The following OSBPL8 variants were observed in gnomAD, a reference collection of about 807,000 sequenced individuals.
OSBPL8 encodes oxysterol-binding protein-related protein 8.
In OSBPL8, 59 loss-of-function variants were observed where a neutral mutation model predicts 125.5. The ratio of observed to expected loss-of-function variants is 0.47; its 90% CI spans 0.38 to 0.58. The LOEUF is 0.58. Ranked by LOEUF, OSBPL8 falls within the 20% of genes least tolerant of loss-of-function variation. The probability of loss-of-function intolerance (pLI) is 0.00; values close to 1 mark genes in which losing one functional copy is unlikely to be tolerated. For synonymous variants in OSBPL8, 330 were observed against 338.9 expected (o/e 0.97, Z 0.29); for missense variants, 758 against 1,047.8 (o/e 0.72, Z 3.82).
At chr12:76,469,492 G>A (rs758482363) in intron 2 of OSBPL8, among the ~76,000 whole-genome samples, 16 of 152,140 alleles carry the variant, frequency 1.1e-4, no homozygotes, top group Non-Finnish European at 2.1e-4. Flanking sequence ...CTGAGTAGGA[G>A]GAAAGACCCT....
intron 1 of OSBPL8, among the ~76,000 whole-genome samples, chr12:76,529,755 T>C (rs532933903): frequency 3.2e-4 from 48 of 152,256 alleles, no homozygotes; most frequent in African/African-American, 1.1e-3. Context: ...CTAGAGACAG[T>C]AGAGTCTGGA....
intron 1 of OSBPL8, among the ~76,000 whole-genome samples, chr12:76,550,076 T>A (rs969842011): frequency 4.0e-5 from 6 of 148,670 alleles, no homozygotes; most frequent in Non-Finnish European, 8.9e-5. Context: ...CAAAAGGCAG[T>A]ATGCTGAAGA....
intron 8 of OSBPL8, among the ~76,000 whole-genome samples, chr12:76,396,975 T>C (rs1030013509): frequency 2.6e-5 from 4 of 151,624 alleles, no homozygotes; most frequent in African/African-American, 4.8e-5. Context: ...CCACCATACT[T>C]GGCTAATTTT....
chr12:76,556,671 T>C (rs1349345693), intron 1 of OSBPL8, among the ~76,000 whole-genome samples: 2 of 152,188 alleles, frequency 1.3e-5, no homozygotes, highest in African/African-American at 4.8e-5. Context: ...TTTGTTTTTT[T>C]GGTGTTTTTT....
intron 22 of OSBPL8, among the ~76,000 whole-genome samples, chr12:76,357,303 G>A (rs972102070): frequency 6.6e-6 from 1 of 152,214 alleles, no homozygotes; most frequent in South Asian, 2.1e-4. Flanking sequence ...ACTTCACAGG[G>A]TTGTTGTAAG....
At chr12:76,390,349 T>A (rs900714914) in intron 11 of OSBPL8, 71 bp downstream of exon 11, 14 of 1,129,622 alleles carry the variant, frequency 1.2e-5, no homozygotes, top group Non-Finnish European at 1.7e-5. Flanking sequence ...AAGCAAATAA[T>A]ATCTTCAATT....
chr12:76,356,007 A>G lies in OSBPL8; in HGVS notation c.2552T>C (p.Leu851Pro). 6.2e-7 allele frequency: 1 copy of G among 1,611,762 alleles called. No homozygotes were observed. The change falls in exon 24 of 24, where the codon CTT (leucine) becomes CCT (proline). Residue 851 changes from leucine (L) to proline (P), a missense_variant. Coordinates refer to ENST00000261183, the MANE Select transcript of OSBPL8 (RefSeq NM_020841.5). ...TGTGCTTGAAACTAAATGATTTCGAAGAGCCATAATATTTCTATAAAAATA... is the reference window on the plus strand; with the variant it reads ...TGTGCTTGAAACTAAATGATTTCGAGGAGCCATAATATTTCTATAAAAATA... ...QEEIKRNIMA[L>P]RNHLVSSTPA...
chr12:76,553,545 C>T (rs923363442), intron 1 of OSBPL8, among the ~76,000 whole-genome samples: 5 of 150,582 alleles, frequency 3.3e-5, no homozygotes, highest in East Asian at 2.0e-4. Context: ...TGATGGTATT[C>T]GCCTGTAGTC....
At position 76,390,476 on chromosome 12, in the gene OSBPL8, C is replaced by T. The variant is rs778701741; in HGVS notation, c.1111G>A (p.Val371Ile). 5 of 1,613,916 alleles carry T rather than the reference C, an allele frequency of 3.1e-6. No individual in the cohort carries two copies. In the Admixed American group the frequency reaches 8.3e-5, roughly 27 times the overall value. ...QDDSYIEPEP[V>I]EPLKETTYTE... ...TAGGTAGTCTCCTTTAAAGGCTCAA[C>T]AGGCTCAGGTTCGATATATGAGTCA... The change falls in exon 11 of 24, where the codon GTT becomes ATT. Residue 371 changes from valine (V) to isoleucine (I), a missense_variant. Val to Ile is a conservative substitution (Grantham distance 29). Around this residue, in one of 3 missense-constraint regions of OSBPL8, gnomAD observed 572 missense variants for 762.0 expected, o/e 0.75. Coordinates refer to ENST00000261183, the MANE Select transcript of OSBPL8 (RefSeq NM_020841.5).
chr12:76,479,947 A>T (rs1323939223), intron 2 of OSBPL8, among the ~76,000 whole-genome samples: 1 of 152,054 alleles, frequency 6.6e-6, no homozygotes, highest in Non-Finnish European at 1.5e-5. Context: ...CTGGCGGATC[A>T]CCTGAGGTCG....
At chr12:76,533,011 T>C (rs532390355) in intron 1 of OSBPL8, among the ~76,000 whole-genome samples, 31 of 152,338 alleles carry the variant, frequency 2.0e-4, no homozygotes, top group African/African-American at 3.4e-4. Context: ...TAAATTGATA[T>C]AGGTACTATT....
intron 4 of OSBPL8, among the ~76,000 whole-genome samples, chr12:76,450,616 A>G (rs1269152534): frequency 1.3e-5 from 2 of 152,118 alleles, no homozygotes; most frequent in Admixed American, 6.5e-5. Flanking sequence ...AATTAGATGA[A>G]TGATATAACT....
At chr12:76,404,588 C>T (rs938242059) in intron 5 of OSBPL8, among the ~76,000 whole-genome samples, 3 of 152,094 alleles carry the variant, frequency 2.0e-5, no homozygotes, top group Non-Finnish European at 2.9e-5. Flanking sequence ...AACTCTTCCT[C>T]GTCAGCCTAC....
chr12:76,477,707 G>A (rs746145668), intron 2 of OSBPL8, among the ~76,000 whole-genome samples: 35 of 152,010 alleles, frequency 2.3e-4, no homozygotes, highest in Non-Finnish European at 4.7e-4. Flanking sequence ...TGTTAATAAT[G>A]TATCAACATG....
At chr12:76,521,245 T>C (rs1882038244) in intron 1 of OSBPL8, among the ~76,000 whole-genome samples, 1 of 152,128 alleles carries the variant, frequency 6.6e-6, no homozygotes, top group Non-Finnish European at 1.5e-5. Context: ...ATTGTGACTA[T>C]AAAGGGGCGT....
chr12:76,459,917 GC>G (rs778783948), intron 2 of OSBPL8, 22 bp from the exon 3 acceptor site: 1 of 1,613,258 alleles, frequency 6.2e-7, no homozygotes, highest in Non-Finnish European at 8.5e-7. Context: ...GGGTAATTGA[GC>G]AGCAAACAAA....
chr12:76,371,383 T>C, intron 19 of OSBPL8, 65 bp downstream of exon 19: 1 of 1,455,360 alleles, frequency 6.9e-7, no homozygotes, highest in South Asian at 1.6e-5. Context: ...AATGACCATA[T>C]CATTAAGGAA....
chr12:76,397,651 T>C, intron 8 of OSBPL8, 43 bp downstream of exon 8: 1 of 1,557,956 alleles, frequency 6.4e-7, no homozygotes, highest in Non-Finnish European at 8.8e-7. Flanking sequence ...TATTCATGGA[T>C]TATCATCTTT....
chr12:76,382,654 G>A (rs977964293), intron 15 of OSBPL8, among the ~76,000 whole-genome samples: 8 of 152,216 alleles, frequency 5.3e-5, no homozygotes, highest in South Asian at 2.1e-4. Flanking sequence ...AGGCTGAGGC[G>A]GGTGGATCAC....
Sources: gnomAD v4.1 joint callset for allele counts (sites outside exome capture counted in the v4.1 genomes callset) on GRCh38, gnomAD v4.1.1 for gene constraint, gnomAD v4.1.1 regional missense constraint, MANE v1.5 for transcripts, NCBI Gene and HGNC (gene_info 2026-07-23, HGNC 2026-07-21) for gene names.